Variants in ERBB3 observed in about 807,000 individuals in gnomAD.
ERBB3 encodes the protein erb-b2 receptor tyrosine kinase 3.
ERBB3 carries 96 observed loss-of-function variants against 156.7 expected under a neutral mutation model. That is an observed-to-expected ratio of 0.61 (90% confidence interval 0.52 to 0.73). The LOEUF is 0.73. Ranked by LOEUF, ERBB3 falls within the 30% of genes least tolerant of loss-of-function variation. The pLI is 0.00. For missense variants in ERBB3, 1,406 were observed against 1,709.4 expected (o/e 0.82, Z 3.13); for synonymous variants, 567 against 632.0 (o/e 0.90, Z 1.54).
chr12:56,089,871 G>GTA (rs1464031257), intron 9 of ERBB3, among the ~76,000 whole-genome samples: 4 of 149,972 alleles, frequency 2.7e-5, no homozygotes, highest in African/African-American at 9.8e-5. Flanking sequence ...TTTAAAATGT[G>GTA]TGTGTGTGTG....
Position 56,087,568 on chromosome 12 carries a change from C to T in ERBB3, c.548-9C>T. Reference sequence around the variant, plus strand: ...GATGGCCCCTTGTGTTGCCTTCCTTCCCAACCAGGTCCCCCCTGTCATGAG... The same window carrying T: ...GATGGCCCCTTGTGTTGCCTTCCTTTCCAACCAGGTCCCCCCTGTCATGAG... On this transcript the variant is annotated splice_polypyrimidine_tract_variant and intron_variant, in intron 4 of 27. Transcript: ENST00000267101. 1 of 1,613,754 alleles carries T rather than the reference C, an allele frequency of 6.2e-7. No homozygotes were observed. The highest frequency in any genetic ancestry group is 1.1e-5 in the South Asian group (1 of 91,084).
intron 11 of ERBB3, 74 bp downstream of exon 11, chr12:56,093,150 A>G: frequency 1.6e-6 from 2 of 1,285,312 alleles, no homozygotes; most frequent in South Asian, 1.2e-5. Context: ...TTAGTAAAAT[A>G]CAAGGCACTG....
In ERBB3 at chr12:56,102,003, C is replaced by T. The variant is rs1422501286; in HGVS notation, c.3977C>T (p.Pro1326Leu). 1 of 1,613,470 alleles carries T rather than the reference C, an allele frequency of 6.2e-7. No homozygotes were observed. Among genetic ancestry groups the T allele is most frequent in the Non-Finnish European group, 8.5e-7 (1 of 1,179,988 alleles). Residue 1326 changes from proline to leucine, a missense_variant, in exon 28 of 28, where the codon CCT becomes CTT. Physicochemically the swap from Pro to Leu is moderately conservative, Grantham distance 98. Around this residue, in one of 3 missense-constraint regions of ERBB3, gnomAD observed 415 missense variants for 454.1 expected, o/e 0.91. Coordinates refer to ENST00000267101, the MANE Select transcript of ERBB3 (RefSeq NM_001982.4). Reference sequence around the variant, plus strand: ...GCTACAGACTCTGCCTTTGATAACCCTGATTACTGGCATAGCAGGCTTTTC... The same window carrying T: ...GCTACAGACTCTGCCTTTGATAACCTTGATTACTGGCATAGCAGGCTTTTC... Reference protein sequence around the residue: ...LEATDSAFDNPDYWHSRLFPK... With the variant: ...LEATDSAFDNLDYWHSRLFPK...
intron 1 of ERBB3, among the ~76,000 whole-genome samples, chr12:56,081,891 C>G (rs1868358061): frequency 6.6e-6 from 1 of 152,132 alleles, no homozygotes; most frequent in East Asian, 1.9e-4. Flanking sequence ...CTGCCCCTCC[C>G]TATGCTCCCG....
At chr12:56,086,782 C>T (rs1257106549) in intron 4 of ERBB3, 126 bp downstream of exon 4, 10 of 1,133,920 alleles carry the variant, frequency 8.8e-6, no homozygotes, top group Admixed American at 1.7e-5. Flanking sequence ...AGGTCCCTGA[C>T]TCAGCAGCCC....
At chr12:56,088,959 C>G in intron 9 of ERBB3, 91 bp downstream of exon 9, 1 of 1,526,476 alleles carries the variant, frequency 6.6e-7, no homozygotes, top group Non-Finnish European at 9.1e-7. Flanking sequence ...GTGGAGCTGA[C>G]TAGGAATCAA....
intron 1 of ERBB3, chr12:56,083,396 A>G (rs1868380181): frequency 2.8e-6 from 1 of 361,646 alleles, no homozygotes; most frequent in African/African-American, 2.1e-5. Context: ...GAGGAGGGTA[A>G]TCAAAGTTGC....
At chr12:56,091,300 AAT>A (rs1454312897) in intron 9 of ERBB3, among the ~76,000 whole-genome samples, 188 of 1,672 alleles carry the variant, frequency 0.11, 2 homozygotes, top group African/African-American at 0.26. Context: ...ATATATAAAT[AAT>A]ATATATAAAT....
In ERBB3 at chr12:56,098,812, C is replaced by T. The variant is rs748627495; in HGVS notation, c.2746C>T (p.Arg916Ter). ...CGGGGCAGAGCCCTATGCAGGGCTA[C>T]GATTGGCTGAAGTACCAGACCTGCT... ...TFGAEPYAGL[R>*]LAEVPDLLEK... is the part of the protein sequence containing the mutation. Residue 916 changes from arginine (R) to a stop codon, truncating the protein, a stop_gained, in exon 23 of 28, where the codon CGA becomes TGA. Coordinates refer to ENST00000267101, the MANE Select transcript of ERBB3 (RefSeq NM_001982.4). LOFTEE classifies it high-confidence loss of function. The T allele has an allele frequency of 8.1e-6, 13 of 1,613,694 alleles. No individual in the cohort carries two copies. Among genetic ancestry groups the T allele is most frequent in the Non-Finnish European group, 1.1e-5 (13 of 1,179,754 alleles).
Position 56,092,882 on chromosome 12 carries a change from T to C in ERBB3, c.1183+62T>C, listed in dbSNP as rs1868762208. 30 of 1,561,156 alleles carry C rather than the reference T, an allele frequency of 1.9e-5. 1 individual carries two copies. The South Asian group carries it at 3.0e-4, about 16-fold the overall frequency. ...GGTGAACCACTGGCATAAATTGCGGTATAACTACTTGAGAAAATCACGTCC... is the reference window on the plus strand; with the variant it reads ...GGTGAACCACTGGCATAAATTGCGGCATAACTACTTGAGAAAATCACGTCC... On this transcript the variant is annotated intron_variant, in intron 10 of 27. Transcript: ENST00000267101.
chr12:56,089,195 G>A (rs1254856437), intron 9 of ERBB3: 4 of 460,022 alleles, frequency 8.7e-6, no homozygotes, highest in Non-Finnish European at 1.7e-5. Context: ...GTGCAGTGGC[G>A]TGATCTCGAC....
In ERBB3 at chr12:56,083,856, T is replaced by C; in HGVS notation, c.188T>C (p.Leu63Pro). The change falls in exon 2 of 28, where the codon CTT (leucine) becomes CCT (proline). Residue 63 changes from leucine (L) to proline (P), a missense_variant. Coordinates refer to ENST00000267101, the MANE Select transcript of ERBB3 (RefSeq NM_001982.4). ...AGGTGTGAGGTGGTGATGGGGAACC[T>C]TGAGATTGTGCTCACGGGACACAAT... ...YERCEVVMGN[L>P]EIVLTGHNAD... The C allele has an allele frequency of 6.2e-7, 1 of 1,614,102 alleles. No individual in the cohort carries two copies. Among genetic ancestry groups the C allele is most frequent in the Non-Finnish European group, 8.5e-7 (1 of 1,179,992 alleles).
chr12:56,101,974 A>G lies in ERBB3; in HGVS notation c.3948A>G (p.Leu1316=). ...HYARLKTLRS[L]EATDSAFDNP... Reference sequence around the variant, plus strand: ...CCCGCCTAAAAACTCTACGTAGCTTAGAGGCTACAGACTCTGCCTTTGATA... The same window carrying G: ...CCCGCCTAAAAACTCTACGTAGCTTGGAGGCTACAGACTCTGCCTTTGATA... The change falls in exon 28 of 28, where the codon TTA becomes TTG. Residue 1316 remains leucine, a synonymous_variant. Coordinates refer to ENST00000267101, the MANE Select transcript of ERBB3 (RefSeq NM_001982.4). 1 of 1,613,838 alleles carries G rather than the reference A, an allele frequency of 6.2e-7. No individual in the cohort carries two copies. The highest frequency in any genetic ancestry group is 1.3e-5 in the African/African-American group (1 of 74,972).
At chr12:56,091,328 T>A (rs375917579) in intron 9 of ERBB3, among the ~76,000 whole-genome samples, 1 of 208 alleles carries the variant, frequency 4.8e-3, no homozygotes, top group Admixed American at 0.083. Flanking sequence ...TATATATATA[T>A]AAATAATATA....
chr12:56,080,806 G>A (rs905865710), intron 1 of ERBB3, among the ~76,000 whole-genome samples: 4 of 152,158 alleles, frequency 2.6e-5, no homozygotes, highest in Non-Finnish European at 5.9e-5. Context: ...GCTACCCCTA[G>A]TTTCGTTGTT....
intron 21 of ERBB3, 38 bp downstream of exon 21, chr12:56,097,978 T>C (rs1282974294): frequency 2.9e-5 from 46 of 1,606,426 alleles, no homozygotes; most frequent in Non-Finnish European, 3.9e-5. Flanking sequence ...GGGGGTGGAG[T>C]GAAGCATGGG....
chr12:56,102,410 G>A lies in ERBB3; in HGVS notation c.*355G>A, dbSNP rs992644511. 2.2e-4 allele frequency: 65 copies of A among 295,324 alleles called. No individual in the cohort carries two copies. The highest frequency in any genetic ancestry group is 3.8e-4 in the Non-Finnish European group (59 of 156,276). 18.3% of individuals were successfully genotyped at this position (295,324 alleles called of 1,614,324 possible). ...TACTTGGAACTAGGCTCTTATGTGTGCCTTTGTTTCCCATCAGACTGTCAA... is the reference window on the plus strand; with the variant it reads ...TACTTGGAACTAGGCTCTTATGTGTACCTTTGTTTCCCATCAGACTGTCAA... On this transcript the variant is annotated 3_prime_UTR_variant, in exon 28 of 28. Transcript: ENST00000267101.
At chr12:56,092,305 C>T (rs908333622) in intron 9 of ERBB3, among the ~76,000 whole-genome samples, 1 of 139,078 alleles carries the variant, frequency 7.2e-6, no homozygotes, top group Admixed American at 7.9e-5. Flanking sequence ...AGGAGAATCA[C>T]TTGAACCCAG....
At chr12:56,094,639 A>G in intron 15 of ERBB3, 83 bp downstream of exon 15, 1 of 1,497,286 alleles carries the variant, frequency 6.7e-7, no homozygotes, top group Non-Finnish European at 9.1e-7. Context: ...GAAAGAAGAG[A>G]GAGGCTGTGA....
Sources: allele counts gnomAD v4.1 joint callset (sites outside exome capture counted in the v4.1 genomes callset), GRCh38; gene constraint gnomAD v4.1.1; regional missense constraint gnomAD v4.1.1; transcripts MANE v1.5; gene names NCBI Gene and HGNC (gene_info 2026-07-23, HGNC 2026-07-21).